TICRR: variants seen among roughly 807,000 people sequenced by gnomAD.
The protein encoded by TICRR is TOPBP1 interacting checkpoint and replication regulator.
A neutral mutation model predicts 178.1 loss-of-function variants in TICRR; 132 were observed. That is an observed-to-expected ratio of 0.74 (90% confidence interval 0.64 to 0.86). The LOEUF (loss-of-function observed/expected upper bound fraction) is 0.86. Ranked by LOEUF, TICRR falls within the 40% of genes least tolerant of loss-of-function variation. The pLI, the probability that TICRR is intolerant of heterozygous loss-of-function variation, is 0.00. For synonymous variants in TICRR, 991 were observed against 900.7 expected, an observed-to-expected ratio of 1.10 and a Z score of -1.79; for missense variants, 2,587 against 2,334.3, an observed-to-expected ratio of 1.11 and a Z score of -2.23.
rs372423397 is a variant in TICRR, at chr15:89,623,799, C to T, written c.3489C>T (p.Pro1163=). 12 of 1,613,840 alleles carry T rather than the reference C, an allele frequency of 7.4e-6. No individual in the cohort carries two copies. The highest frequency in any genetic ancestry group is 2.2e-5 in the South Asian group (2 of 91,072). Residue 1163 remains proline (P), a synonymous_variant, in exon 20 of 22, where the codon CCC becomes CCT. Coordinates refer to ENST00000268138, the MANE Select transcript of TICRR (RefSeq NM_152259.4). ...AGTCCTTAAAAGACTCCTCCTCACC[C>T]GGCCATGACTCACCATTGGATTCAA... ...FKESLKDSSS[P]GHDSPLDSKI...
At chr15:89,585,556 C>T (rs1048947294) in intron 3 of TICRR, 152 bp from the exon 4 acceptor site, 2 of 630,976 alleles carry the variant, frequency 3.2e-6, no homozygotes, top group South Asian at 2.1e-5. Flanking sequence ...AATAAATTCC[C>T]TTCTACCTCT....
intron 2 of TICRR, 75 bp downstream of exon 2, chr15:89,583,040 C>T: frequency 3.5e-6 from 5 of 1,439,130 alleles, no homozygotes; most frequent in Non-Finnish European, 3.7e-6. Flanking sequence ...AAGCTTTTAA[C>T]TTCTTTGGCA....
At chr15:89,589,683 A>G (rs1446785309) in intron 4 of TICRR, among the ~76,000 whole-genome samples, 1 of 152,212 alleles carries the variant, frequency 6.6e-6, no homozygotes, top group Non-Finnish European at 1.5e-5. Flanking sequence ...AGCAAATGCA[A>G]TTATAGGCAT....
chr15:89,610,715 C>T (rs761005370), intron 15 of TICRR, among the ~76,000 whole-genome samples: 6 of 152,076 alleles, frequency 3.9e-5, no homozygotes, highest in South Asian at 2.1e-4. Context: ...TAATAAGGAA[C>T]AACTGTCATT....
At chr15:89,615,631 C>T (rs1411892959) in intron 15 of TICRR, among the ~76,000 whole-genome samples, 2 of 152,132 alleles carry the variant, frequency 1.3e-5, no homozygotes, top group African/African-American at 4.8e-5. Flanking sequence ...TTCTTACTGG[C>T]ATCACTCCTC....
At chr15:89,585,271 C>G (rs1450628669) in intron 3 of TICRR, among the ~76,000 whole-genome samples, 1 of 152,198 alleles carries the variant, frequency 6.6e-6, no homozygotes, top group Non-Finnish European at 1.5e-5. Flanking sequence ...ACTGTATGTT[C>G]TGGATAAATC....
chr15:89,602,824 A>G lies in TICRR; in HGVS notation c.2596A>G (p.Ile866Val). 1 of 1,517,256 alleles carries G rather than the reference A, an allele frequency of 6.6e-7. No individual in the cohort carries two copies. The highest frequency in any genetic ancestry group is 8.8e-7 in the Non-Finnish European group (1 of 1,132,954). The allele number at this position is 1,517,256 out of a possible 1,614,324, so 94.0% of individuals were successfully genotyped here. The change falls in exon 13 of 22, where the codon ATT becomes GTT. Residue 866 changes from isoleucine to valine, a missense_variant. Physicochemically the swap from Ile to Val is conservative, Grantham distance 29 (BLOSUM62 3). Coordinates refer to ENST00000268138, the MANE Select transcript of TICRR (RefSeq NM_152259.4). Reference protein sequence around the residue: ...RKNALIRHKSIAEVSQNLRQI... With the variant: ...RKNALIRHKSVAEVSQNLRQI... ...AAATGCATTAATAAGACATAAAAGC[A>G]TTGCTGAGGTTTCACAGAATCTTCG... is the stretch of plus-strand genomic sequence containing the variant.
At chr15:89,617,613 C>T (rs924856395) in intron 16 of TICRR, among the ~76,000 whole-genome samples, 2 of 152,130 alleles carry the variant, frequency 1.3e-5, no homozygotes, top group East Asian at 1.9e-4. Context: ...ACCTCTGCCT[C>T]CCAGGTTCAA....
chr15:89,626,806 G>C (rs1262644046), intron 21 of TICRR, 150 bp from the exon 22 acceptor site: 2 of 831,286 alleles, frequency 2.4e-6, no homozygotes, highest in Non-Finnish European at 3.8e-6. Context: ...AAAAAGTGTA[G>C]GTACCATTTC....
chr15:89,576,599 C>A (rs1042276889), intron 1 of TICRR, among the ~76,000 whole-genome samples: 1 of 152,006 alleles, frequency 6.6e-6, no homozygotes, highest in Non-Finnish European at 1.5e-5. Flanking sequence ...TCTCACTCTT[C>A]CAGGCCAGTC....
At chr15:89,590,761 C>T (rs1379647178) in intron 4 of TICRR, among the ~76,000 whole-genome samples, 7 of 152,194 alleles carry the variant, frequency 4.6e-5, no homozygotes, top group Admixed American at 2.6e-4. Context: ...GAGCTCCTTT[C>T]GAAGTATGCA....
intron 7 of TICRR, among the ~76,000 whole-genome samples, chr15:89,596,005 G>A (rs745921179): frequency 6.6e-6 from 1 of 152,082 alleles, no homozygotes; most frequent in South Asian, 2.1e-4. Context: ...GGCTAGTAAA[G>A]GTGTGTGAAA....
intron 17 of TICRR, among the ~76,000 whole-genome samples, chr15:89,619,479 GA>G (rs1399489124): frequency 3.9e-5 from 6 of 152,108 alleles, no homozygotes; most frequent in Admixed American, 3.9e-4. Flanking sequence ...TAAGACTTCT[GA>G]AGGTAATAGT....
chr15:89,577,837 C>T (rs1275002797), intron 1 of TICRR, among the ~76,000 whole-genome samples: 5 of 151,748 alleles, frequency 3.3e-5, no homozygotes, highest in African/African-American at 7.3e-5. Flanking sequence ...TCTCAAACTC[C>T]TGAGCTCAGG....
At position 89,616,620 on chromosome 15, in the gene TICRR, AGAGCATTCTATAAGCTCTCCATGG is replaced by A. The variant is rs967331129; in HGVS notation, c.2960+131_2960+154del. ...TCTTAACTATGTTGCTTAAAACCAA[AGAGCATTCTATAAGCTCTCCATGG>A]GAGCAGGAGAACCATATAAAATATA... On this transcript the variant is annotated intron_variant, in intron 16 of 21. Transcript: ENST00000268138. 2.3e-4 allele frequency: 159 copies of A among 698,066 alleles called. No individual in the cohort carries two copies. The African/African-American group carries it at 2.5e-3, about 11-fold the overall frequency. The allele number at this position is 698,066 out of a possible 1,614,324, so 43.2% of individuals were successfully genotyped here.
Position 89,599,467 on chromosome 15 carries a change from G to A in TICRR, c.2044G>A (p.Glu682Lys), listed in dbSNP as rs1963057130. 1 of 1,612,320 alleles carries A rather than the reference G, an allele frequency of 6.2e-7. No homozygotes were observed. The highest frequency in any genetic ancestry group is 8.5e-7 in the Non-Finnish European group (1 of 1,179,494). Reference protein sequence around the residue: ...KMFLKSKGTKELEVNCLNQVK... With the variant: ...KMFLKSKGTKKLEVNCLNQVK... ...GTTCCTAAAATCAAAAGGCACCAAG[G>A]AATTAGAAGTAAGAGGGTCCAGATA... The change falls in exon 8 of 22, where the codon GAA (glutamate) becomes AAA (lysine). Residue 682 changes from glutamate to lysine, a missense_variant. Coordinates refer to ENST00000268138, the MANE Select transcript of TICRR (RefSeq NM_152259.4).
In TICRR at chr15:89,625,774, G is replaced by A. The variant is rs758214359; in HGVS notation, c.5464G>A (p.Val1822Met). Residue 1822 changes from valine (V) to methionine (M), a missense_variant, in exon 20 of 22, where the codon GTG (valine) becomes ATG (methionine). Val to Met is a conservative substitution (Grantham distance 21, BLOSUM62 1). Transcript: ENST00000268138. The part of the protein sequence containing the change: ...WQLPSTGDEE[V>M]FVSGSTPPPS... ...GCTACCCTCCACGGGAGACGAAGAGGTGTTTGTTTCCGGTGAGTTCGTTTT... is the reference window on the plus strand; with the variant it reads ...GCTACCCTCCACGGGAGACGAAGAGATGTTTGTTTCCGGTGAGTTCGTTTT... The A allele has an allele frequency of 5.0e-6, 8 of 1,602,520 alleles. No individual in the cohort carries two copies. In the South Asian group the frequency reaches 7.7e-5, roughly 16 times the overall value.
intron 15 of TICRR, among the ~76,000 whole-genome samples, chr15:89,612,392 A>C (rs970762740): frequency 6.6e-6 from 1 of 152,180 alleles, no homozygotes; most frequent in African/African-American, 2.4e-5. Flanking sequence ...CAGTGTCTGC[A>C]CTGCTCCTAC....
intron 5 of TICRR, among the ~76,000 whole-genome samples, chr15:89,592,884 T>C (rs899840081): frequency 3.9e-5 from 6 of 152,226 alleles, no homozygotes; most frequent in Non-Finnish European, 5.9e-5. Flanking sequence ...TTCCCACTAA[T>C]AACTGTGGTA....
Sources: allele counts gnomAD v4.1 joint callset (sites outside exome capture counted in the v4.1 genomes callset), GRCh38; gene constraint gnomAD v4.1.1; transcripts MANE v1.5; gene names NCBI Gene and HGNC (gene_info 2026-07-23, HGNC 2026-07-21).